Variants in PPM1H observed in about 807,000 individuals in gnomAD.
The protein encoded by PPM1H is protein phosphatase 1H.
PPM1H carries 27 observed loss-of-function variants against 54.9 expected under a neutral mutation model. That is an observed-to-expected ratio of 0.49 (90% CI 0.36 to 0.68). PPM1H has a LOEUF of 0.68. Among genes scored for constraint, PPM1H ranks in the 30% least tolerant of loss-of-function variants. PPM1H has a pLI of 0.00. For synonymous variants in PPM1H, 305 were observed against 270.8 expected (o/e 1.13, Z -1.24); for missense variants, 596 against 667.8 (o/e 0.89, Z 1.19).
chr12:62,761,959 T>C (rs1487349567), intron 4 of PPM1H, among the ~76,000 whole-genome samples: 9 of 152,160 alleles, frequency 5.9e-5, no homozygotes, highest in Non-Finnish European at 1.3e-4. Flanking sequence ...CTGCCATCTG[T>C]GGCCTAAGAC....
chr12:62,769,049 C>T (rs555613926), intron 4 of PPM1H, among the ~76,000 whole-genome samples: 2 of 152,316 alleles, frequency 1.3e-5, no homozygotes, highest in African/African-American at 4.8e-5. Flanking sequence ...GAACATCTCT[C>T]TTCCAAGTAC....
chr12:62,761,084 C>G (rs2076505959), intron 4 of PPM1H, among the ~76,000 whole-genome samples: 1 of 151,906 alleles, frequency 6.6e-6, no homozygotes, highest in Admixed American at 6.6e-5. Context: ...TTGACAGCAG[C>G]AAGAGATAAC....
intron 1 of PPM1H, among the ~76,000 whole-genome samples, chr12:62,914,193 T>C (rs141776292): frequency 6.6e-6 from 1 of 152,266 alleles, no homozygotes; most frequent in Non-Finnish European, 1.5e-5. Flanking sequence ...ACTCTATTAG[T>C]TCCTGAGAGC....
intron 1 of PPM1H, among the ~76,000 whole-genome samples, chr12:62,849,393 T>C (rs1470857670): frequency 6.6e-6 from 1 of 152,092 alleles, no homozygotes; most frequent in Admixed American, 6.6e-5. Flanking sequence ...TCCCATTCTA[T>C]AAAAACTGAA....
intron 1 of PPM1H, among the ~76,000 whole-genome samples, chr12:62,884,197 T>C (rs1870496704): frequency 6.6e-6 from 1 of 151,990 alleles, no homozygotes; most frequent in Admixed American, 6.6e-5. Context: ...TCACGAAATA[T>C]GAAGTATAGA....
chr12:62,835,731 A>T (rs1868484377), intron 1 of PPM1H, among the ~76,000 whole-genome samples: 1 of 146,740 alleles, frequency 6.8e-6, no homozygotes, highest in South Asian at 2.1e-4. Context: ...CACTGTGTTT[A>T]AAAAAAAAAT....
chr12:62,650,508 CAT>C (rs2075809764), intron 9 of PPM1H, among the ~76,000 whole-genome samples: 1 of 152,162 alleles, frequency 6.6e-6, no homozygotes, highest in South Asian at 2.1e-4. Flanking sequence ...TGAAAATCGA[CAT>C]ATTGCAGCTC....
intron 1 of PPM1H, among the ~76,000 whole-genome samples, chr12:62,871,978 T>C (rs538259217): frequency 6.6e-6 from 1 of 152,356 alleles, no homozygotes; most frequent in Non-Finnish European, 1.5e-5. Context: ...TACAAAGTCC[T>C]GCTCTAAGCT....
intron 7 of PPM1H, among the ~76,000 whole-genome samples, chr12:62,690,221 C>T (rs1184595627): frequency 6.6e-6 from 1 of 152,170 alleles, no homozygotes; most frequent in East Asian, 1.9e-4. Flanking sequence ...TCCACACACC[C>T]ACCAATCTTT....
chr12:62,858,305 AAAT>A (rs1415327251), intron 1 of PPM1H, among the ~76,000 whole-genome samples: 1 of 152,168 alleles, frequency 6.6e-6, no homozygotes, highest in Non-Finnish European at 1.5e-5. Flanking sequence ...ATTGGGGTAC[AAAT>A]AATTATATTA....
In PPM1H at chr12:62,726,180, A is replaced by G. The variant is rs76921528; in HGVS notation, c.955-5891T>C. 2.0e-4 allele frequency among the ~76,000 whole-genome samples: 31 copies of G among 152,374 alleles called. No individual in the cohort carries two copies. The East Asian group carries it at 5.2e-3, about 26-fold the overall frequency. On this transcript the variant is annotated intron_variant, in intron 5 of 9. Transcript: ENST00000228705. The stretch of plus-strand genomic sequence containing the variant: ...GAACTCTTCTCAAGAACTTGGTACA[A>G]ACAGAGCAAACATATGGTTGCTTAA...
intron 2 of PPM1H, among the ~76,000 whole-genome samples, chr12:62,817,467 A>AC (rs1021434151): frequency 6.6e-5 from 10 of 151,350 alleles, no homozygotes; most frequent in African/African-American, 2.2e-4. Context: ...GTCTCAAAAA[A>AC]AAACAAACAA....
At chr12:62,835,756 C>G (rs1292584173) in intron 1 of PPM1H, among the ~76,000 whole-genome samples, 1 of 151,930 alleles carries the variant, frequency 6.6e-6, no homozygotes, top group Non-Finnish European at 1.5e-5. Flanking sequence ...CAACTCTTAT[C>G]CCCTATTTTA....
intron 2 of PPM1H, among the ~76,000 whole-genome samples, chr12:62,813,186 C>A (rs1301195706): frequency 6.6e-6 from 1 of 152,132 alleles, no homozygotes; most frequent in African/African-American, 2.4e-5. Flanking sequence ...AGGAAATACA[C>A]AAAGCCAAGG....
chr12:62,876,838 A>G lies in PPM1H; in HGVS notation c.246-44559T>C, dbSNP rs17098470. 5.5e-3 allele frequency among the ~76,000 whole-genome samples: 841 copies of G among 152,290 alleles called. 8 individuals are homozygous for G. Among genetic ancestry groups the G allele is most frequent in the South Asian group, 0.032 (156 of 4,822 alleles). ...AACATCCCGTTATGTAAGTTCAGTG[A>G]TCAGTTTTCTCCATTGTACCCAGTT... On this transcript the variant is annotated intron_variant, in intron 1 of 9. Coordinates refer to ENST00000228705, the MANE Select transcript of PPM1H (RefSeq NM_020700.2).
chr12:62,792,102 G>C (rs2076704431), intron 3 of PPM1H, among the ~76,000 whole-genome samples: 1 of 152,210 alleles, frequency 6.6e-6, no homozygotes, highest in Admixed American at 6.5e-5. Context: ...TTGGGACTCA[G>C]TTAAGCAAGT....
chr12:62,786,575 G>A (rs1234073247), intron 4 of PPM1H, among the ~76,000 whole-genome samples: 1 of 152,170 alleles, frequency 6.6e-6, no homozygotes, highest in Non-Finnish European at 1.5e-5. Context: ...CCTCATTAGT[G>A]GCTCCCACTC....
intron 4 of PPM1H, among the ~76,000 whole-genome samples, chr12:62,773,754 C>T (rs1240810912): frequency 2.6e-5 from 4 of 152,098 alleles, no homozygotes; most frequent in Admixed American, 1.3e-4. Context: ...AGGTCAGTGC[C>T]GTACAGTTCT....
chr12:62,773,959 G>A (rs977613658), intron 4 of PPM1H, among the ~76,000 whole-genome samples: 10 of 152,178 alleles, frequency 6.6e-5, no homozygotes, highest in African/African-American at 2.4e-4. Context: ...TAACAAGATT[G>A]AAGGGAAGAA....
Sources: gnomAD v4.1 joint callset for allele counts (sites outside exome capture counted in the v4.1 genomes callset) on GRCh38, gnomAD v4.1.1 for gene constraint, MANE v1.5 for transcripts, NCBI Gene and HGNC (gene_info 2026-07-23, HGNC 2026-07-21) for gene names.